CES4A: variants seen among roughly 807,000 people sequenced by gnomAD.
CES4A encodes the protein carboxylesterase 6.
A neutral mutation model predicts 65.4 loss-of-function variants in CES4A; 48 were observed. The ratio of observed to expected loss-of-function variants is 0.73; its 90% CI spans 0.58 to 0.93. The LOEUF (loss-of-function observed/expected upper bound fraction) is 0.93, where lower values mean the gene tolerates loss of function less well. Ranked by LOEUF, CES4A falls within the 40% of genes least tolerant of loss-of-function variation. The probability of loss-of-function intolerance (pLI) is 0.00; values close to 1 mark genes in which losing one functional copy is unlikely to be tolerated. For missense variants in CES4A, 685 were observed against 728.5 expected, an observed-to-expected ratio of 0.94 and a Z score of 0.69; for synonymous variants, 247 against 281.8, an observed-to-expected ratio of 0.88 and a Z score of 1.24.
chr16:67,004,988 T>G lies in CES4A; in HGVS notation c.1161+115T>G. 3.3e-6 allele frequency: 3 copies of G among 906,170 alleles called. No homozygotes were observed. In the East Asian group the frequency reaches 7.9e-5, roughly 24 times the overall value. The allele number at this position is 906,170 out of a possible 1,614,324, so 56.1% of individuals were successfully genotyped here. ...CTCCCAGCCAGGGTAAGGATCTTTC[T>G]TGGAGGGTCTGGGGTTTGCTGTGGG... On this transcript the variant is annotated intron_variant, in intron 10 of 13. Coordinates refer to ENST00000648724, the Ensembl canonical transcript of CES4A.
intron 1 of CES4A, among the ~76,000 whole-genome samples, chr16:66,991,902 A>G (rs1020479774): frequency 1.3e-5 from 2 of 152,184 alleles, no homozygotes; most frequent in African/African-American, 4.8e-5. Context: ...TGAGGCCAAG[A>G]GTTCAAGACC....
intron 11 of CES4A, chr16:67,005,859 CAAAA>C (rs1434352246): frequency 1.8e-5 from 3 of 169,656 alleles, no homozygotes; most frequent in Non-Finnish European, 3.7e-5. Flanking sequence ...AAAAAAAAAA[CAAAA>C]AAAGTATAAG....
rs1051848012 is a variant in CES4A, at chr16:67,000,505, A to ACGCACGCACATG, written c.261-122_261-111dup. The ACGCACGCACATG allele has an allele frequency of 2.5e-5, 36 of 1,440,316 alleles. No individual in the cohort carries two copies. The highest frequency in any genetic ancestry group is 2.9e-5 in the African/African-American group (2 of 69,752). 89.2% of individuals were successfully genotyped at this position (1,440,316 alleles called of 1,614,324 possible). ...TGGCGGAGGCCTCCTGTACACGCAC[A>ACGCACGCACATG]CGCACGCACATGCGCACGCACACGC... On this transcript the variant is annotated intron_variant, in intron 2 of 13. Transcript: ENST00000648724. The surrounding 1 kb of genome is among the most constrained non-coding windows in gnomAD (Gnocchi z 4.2).
At chr16:66,992,670 T>TGTTTTTTG (rs1964486532) in intron 1 of CES4A, among the ~76,000 whole-genome samples, 1 of 152,132 alleles carries the variant, frequency 6.6e-6, no homozygotes, top group Non-Finnish European at 1.5e-5. Context: ...TTTTGTTGTT[T>TGTTTTTTG]GTTTTTTGGT....
At chr16:67,004,926 GTT>G in intron 10 of CES4A, 53 bp downstream of exon 10, 1 of 1,401,298 alleles carries the variant, frequency 7.1e-7, no homozygotes, top group Non-Finnish European at 9.8e-7. Flanking sequence ...TGACCCCCCT[GTT>G]TTTTTTAACC....
Position 67,001,959 on chromosome 16 carries a change from A to G in CES4A, c.690+498A>G, listed in dbSNP as rs1443870830. On this transcript the variant is annotated intron_variant, in intron 5 of 13. Coordinates refer to ENST00000648724, the Ensembl canonical transcript of CES4A. The surrounding 1 kb of genome is among the most constrained non-coding windows in gnomAD (Gnocchi z 4.1). Reference sequence around the variant, plus strand: ...GGGAAGTGAACACATCACACAGGACATTGCTGGCCACAGTCATAATAATAC... The same window carrying G: ...GGGAAGTGAACACATCACACAGGACGTTGCTGGCCACAGTCATAATAATAC... Among the ~76,000 whole-genome samples, 1 of 152,246 alleles carries G rather than the reference A, an allele frequency of 6.6e-6. No individual in the cohort carries two copies. The highest frequency in any genetic ancestry group is 1.5e-5 in the Non-Finnish European group (1 of 68,044).
intron 1 of CES4A, among the ~76,000 whole-genome samples, chr16:66,990,128 G>A (rs912689847): frequency 6.9e-5 from 9 of 130,056 alleles, no homozygotes; most frequent in South Asian, 2.6e-4. Flanking sequence ...TCCGCTCACC[G>A]CAACCTCCAC....
intron 2 of CES4A, among the ~76,000 whole-genome samples, chr16:66,998,040 G>A (rs543220130): frequency 6.6e-6 from 1 of 151,196 alleles, no homozygotes; most frequent in South Asian, 2.1e-4. Flanking sequence ...GCTGACAGAT[G>A]TTCCACGTGG....
intron 1 of CES4A, among the ~76,000 whole-genome samples, chr16:66,993,957 C>T (rs1029057829): frequency 2.6e-5 from 4 of 151,156 alleles, no homozygotes; most frequent in African/African-American, 9.7e-5. Flanking sequence ...AAAAATTAGC[C>T]GGGCATGGTG....
chr16:66,989,289 A>C (rs1392076583), intron 1 of CES4A, among the ~76,000 whole-genome samples: 1 of 152,094 alleles, frequency 6.6e-6, no homozygotes, highest in Non-Finnish European at 1.5e-5. Context: ...AAGTTTACTG[A>C]GGTATAAGAT....
Position 67,003,021 on chromosome 16 carries a change from G to A in CES4A, c.691-49G>A, listed in dbSNP as rs561836093. 7 of 1,493,584 alleles carry A rather than the reference G, an allele frequency of 4.7e-6. No individual in the cohort carries two copies. In the African/African-American group the frequency reaches 6.9e-5, roughly 15 times the overall value. The allele number at this position is 1,493,584 out of a possible 1,614,324, so 92.5% of individuals were successfully genotyped here. A position where few individuals can be genotyped will look rare whatever the true frequency, so the allele number is the denominator to read the frequency against. On this transcript the variant is annotated intron_variant, in intron 5 of 13. Coordinates refer to ENST00000648724, the Ensembl canonical transcript of CES4A. This position sits in a 1 kb window ranked among gnomAD's most constrained non-coding sequence, Gnocchi z 4.2. ...CAGACAGATGCCCAGAACAGCCCAG[G>A]TGTCTCTACTTGGGCATCTCACGGG...
intron 11 of CES4A, 123 bp from the exon 12 acceptor site, chr16:67,006,268 C>T (rs1965750933): frequency 9.8e-7 from 1 of 1,017,002 alleles, no homozygotes; most frequent in Non-Finnish European, 1.4e-6. Flanking sequence ...TCAAGTCTGC[C>T]CCCTTGATTC....
chr16:67,000,583 G>T lies in CES4A; in HGVS notation c.261-55G>T. 6.6e-7 allele frequency: 1 copy of T among 1,513,162 alleles called. No individual in the cohort carries two copies. Among genetic ancestry groups the T allele is most frequent in the Non-Finnish European group, 8.9e-7 (1 of 1,125,606 alleles). The allele number at this position is 1,513,162 out of a possible 1,614,324, so 93.7% of individuals were successfully genotyped here. ...CTTTGGGTTCCGTCTTCTCACTGCGGACCCTGGATTGAAACGATCTCCCCG... is the reference window on the plus strand; with the variant it reads ...CTTTGGGTTCCGTCTTCTCACTGCGTACCCTGGATTGAAACGATCTCCCCG... On this transcript the variant is annotated intron_variant, in intron 2 of 13. Transcript: ENST00000648724. This position sits in a 1 kb window ranked among gnomAD's most constrained non-coding sequence, Gnocchi z 4.2.
exon 13 of CES4A, chr16:67,006,815 A>G (rs1456850571): frequency 1.9e-6 from 3 of 1,613,994 alleles, no homozygotes; most frequent in Non-Finnish European, 2.5e-6. Flanking sequence ...TTGCCCGCAC[A>G]GGGTGAGTCT....
intron 1 of CES4A, among the ~76,000 whole-genome samples, chr16:66,989,356 T>TTATA (rs202172443): frequency 2.0e-5 from 3 of 149,524 alleles, no homozygotes; most frequent in Non-Finnish European, 3.0e-5. Context: ...ATACTAATTA[T>TTATA]TATATATATA....
At chr16:66,989,302 A>G (rs1366373967) in intron 1 of CES4A, among the ~76,000 whole-genome samples, 1 of 152,072 alleles carries the variant, frequency 6.6e-6, no homozygotes, top group African/African-American at 2.4e-5. Context: ...TATAAGATGT[A>G]TACAGCAAGG....
rs747522815 is a variant in CES4A at position 67,001,080 on chromosome 16, TGG to T, written c.536+97_536+98del. Reference sequence around the variant, plus strand: ...GGAGGGGCGGGGCCTGGGGCGGGGATGGGGGGGGTGGGGCCGCGAGGCGGGGG... The same window carrying T: ...GGAGGGGCGGGGCCTGGGGCGGGGATGGGGGGTGGGGCCGCGAGGCGGGGG... On this transcript the variant is annotated intron_variant, in intron 4 of 13. Coordinates refer to ENST00000648724, the Ensembl canonical transcript of CES4A. This position sits in a 1 kb window ranked among gnomAD's most constrained non-coding sequence, Gnocchi z 4.1. The T allele has an allele frequency of 3.2e-3, 518 of 164,376 alleles. 3 individuals carry two copies. In the African/African-American group the frequency reaches 0.033, roughly 10 times the overall value. 10.2% of individuals were successfully genotyped at this position (164,376 alleles called of 1,614,324 possible). A position where few individuals can be genotyped will look rare whatever the true frequency, so the allele number is the denominator to read the frequency against.
chr16:67,003,004 T>A lies in CES4A; in HGVS notation c.691-66T>A, dbSNP rs538332322. 7.9e-4 allele frequency: 1,094 copies of A among 1,388,254 alleles called. 1 individual carries two copies. The highest frequency in any genetic ancestry group is 1.0e-3 in the Non-Finnish European group (979 of 975,040). 86.0% of individuals were successfully genotyped at this position (1,388,254 alleles called of 1,614,324 possible). A position where few individuals can be genotyped will look rare whatever the true frequency, so the allele number is the denominator to read the frequency against. ...GGCTGCCTGCCCATGGCCAGACAGA[T>A]GCCCAGAACAGCCCAGGTGTCTCTA... On this transcript the variant is annotated intron_variant, in intron 5 of 13. Coordinates refer to ENST00000648724, the Ensembl canonical transcript of CES4A. This position sits in a 1 kb window ranked among gnomAD's most constrained non-coding sequence, Gnocchi z 4.2.
At chr16:66,990,139 C>A (rs922707607) in intron 1 of CES4A, among the ~76,000 whole-genome samples, 3 of 151,478 alleles carry the variant, frequency 2.0e-5, no homozygotes, top group Non-Finnish European at 1.5e-5. Context: ...CAACCTCCAC[C>A]TCCCGGGTTC....
Sources: gnomAD v4.1 joint callset for allele counts (sites outside exome capture counted in the v4.1 genomes callset) on GRCh38, gnomAD v4.1.1 for gene constraint, Gnocchi (gnomAD v3.1) non-coding constraint, MANE v1.5 for transcripts, NCBI Gene and HGNC (gene_info 2026-07-23, HGNC 2026-07-21) for gene names.